ITPA: variants seen among roughly 807,000 people sequenced by gnomAD.
ITPA encodes the protein inosine triphosphatase, also known as inosine triphosphate pyrophosphatase.
Under a neutral mutation model 29.6 loss-of-function variants are expected in ITPA, and 29 were observed. The ratio of observed to expected loss-of-function variants is 0.98; its 90% CI spans 0.73 to 1.34. ITPA has a LOEUF of 1.34. Among genes scored for constraint, ITPA ranks in the 40% most tolerant of loss-of-function variants. The pLI is 0.00. For synonymous variants in ITPA, 103 were observed against 99.3 expected (o/e 1.04, Z -0.22); for missense variants, 241 against 251.5 (o/e 0.96, Z 0.28).
At chr20:3,209,472 C>T (rs553176721), upstream of ITPA, 3 of 1,360,606 alleles carry the variant, frequency 2.2e-6, no homozygotes, top group African/African-American at 2.9e-5. This position sits in a 1 kb window ranked among gnomAD's most constrained non-coding sequence, Gnocchi z 4.6. Flanking sequence ...GAGCCGTTCA[C>T]TTCCGCCACC....
chr20:3,218,079 G>A (rs888577916), intron 5 of ITPA, among the ~76,000 whole-genome samples: 2 of 151,856 alleles, frequency 1.3e-5, no homozygotes, highest in African/African-American at 2.4e-5. Context: ...CACCACGCCC[G>A]GCTAATTTTT....
At chr20:3,225,918 A>C (rs554101444), downstream of ITPA, among the ~76,000 whole-genome samples, 24 of 152,210 alleles carry the variant, frequency 1.6e-4, no homozygotes, top group Admixed American at 2.6e-4. Context: ...AATCCCAGCT[A>C]TTTGGGAGGC....
downstream of ITPA, among the ~76,000 whole-genome samples, chr20:3,227,175 G>A (rs2067564289): frequency 6.6e-6 from 1 of 152,214 alleles, no homozygotes; most frequent in Admixed American, 6.5e-5. Context: ...CGCTCCTCTG[G>A]ACCCTTGCAC....
At chr20:3,224,115 G>A (rs2067533080), downstream of ITPA, among the ~76,000 whole-genome samples, 1 of 152,224 alleles carries the variant, frequency 6.6e-6, no homozygotes, top group African/African-American at 2.4e-5. Flanking sequence ...TGCTGGGTTG[G>A]GGGCTGGGTA....
At chr20:3,207,118 TCTCA>T (rs2067076674), upstream of ITPA, among the ~76,000 whole-genome samples, 1 of 152,102 alleles carries the variant, frequency 6.6e-6, no homozygotes, top group South Asian at 2.1e-4. Flanking sequence ...TGAGACAGGG[TCTCA>T]CTCACATCAC....
intron 3 of ITPA, 34 bp downstream of exon 3, chr20:3,213,417 T>C: frequency 6.2e-7 from 1 of 1,612,838 alleles, no homozygotes; most frequent in Non-Finnish European, 8.5e-7. Flanking sequence ...CACTTGCTCT[T>C]CTTGTCCAGG....
upstream of ITPA, among the ~76,000 whole-genome samples, chr20:3,206,785 C>T (rs190329366): frequency 2.0e-5 from 3 of 150,368 alleles, no homozygotes; most frequent in Admixed American, 6.7e-5. Flanking sequence ...GAGCTGAGAT[C>T]GCGCCACTGC....
In ITPA at chr20:3,218,698, C is replaced by A. The variant is rs112817108; in HGVS notation, c.411+66C>A. On this transcript the variant is annotated intron_variant, in intron 6 of 7. Transcript: ENST00000380113. ...AGGGGGTGCCGCGACCCGAGCCGAC[C>A]GCCCCGAGTCTGCGGGAGGGTGGTG... The A allele has an allele frequency of 1.7e-3, 2,165 of 1,244,718 alleles. 16 individuals are homozygous for A. The Middle Eastern group carries it at 0.018, about 10-fold the overall frequency. The allele number at this position is 1,244,718 out of a possible 1,614,324, so 77.1% of individuals were successfully genotyped here.
At chr20:3,219,997 G>T (rs931796406) in intron 6 of ITPA, among the ~76,000 whole-genome samples, 2 of 138,568 alleles carry the variant, frequency 1.4e-5, no homozygotes, top group Non-Finnish European at 3.0e-5. Flanking sequence ...AGCTATGATC[G>T]CACTCCTGCA....
chr20:3,222,009 G>T, intron 7 of ITPA, 92 bp downstream of exon 7: 1 of 1,233,928 alleles, frequency 8.1e-7, no homozygotes, highest in Non-Finnish European at 1.2e-6. Flanking sequence ...CAGGCATGCG[G>T]ATATGGGCAG....
At chr20:3,215,403 C>A in intron 5 of ITPA, 91 bp downstream of exon 5, 2 of 1,208,902 alleles carry the variant, frequency 1.7e-6, no homozygotes, top group South Asian at 1.2e-5. Flanking sequence ...AATCAGGAGT[C>A]CCAGGTTCTA....
chr20:3,211,681 T>TG (rs2067177883), intron 1 of ITPA, among the ~76,000 whole-genome samples: 2 of 152,152 alleles, frequency 1.3e-5, no homozygotes, highest in East Asian at 1.9e-4. Flanking sequence ...TTAGTGGAGA[T>TG]GGGGTTTCTC....
intron 6 of ITPA, among the ~76,000 whole-genome samples, chr20:3,219,412 C>T (rs867447205): frequency 9.2e-5 from 14 of 151,960 alleles, no homozygotes; most frequent in African/African-American, 3.4e-4. Flanking sequence ...TGTTCAAGAT[C>T]AGCCTGGACA....
In ITPA at chr20:3,218,585, AC is replaced by A. The variant is rs1230345490; in HGVS notation, c.366del (p.Asp124ThrfsTer100). On this transcript the variant is annotated frameshift_variant, in exon 6 of 8. Transcript: ENST00000380113. LOFTEE classifies it high-confidence loss of function. Reference protein sequence around the residue: ...AYALCTFALSTGDPSQPVRLF... With the variant: ...AYALCTFALSXGDPSQPVRLF... ...TGCGCTCTGCACGTTTGCACTCAGC[AC>A]CGGGGACCCAAGCCAGCCCGTGCGC... is the stretch of plus-strand genomic sequence containing the variant. The A allele has an allele frequency of 6.2e-7, 1 of 1,613,882 alleles. No homozygotes were observed. The highest frequency in any genetic ancestry group is 2.2e-5 in the East Asian group (1 of 44,868).
At chr20:3,221,237 C>G (rs2067455586) in intron 6 of ITPA, among the ~76,000 whole-genome samples, 1 of 147,846 alleles carries the variant, frequency 6.8e-6, no homozygotes, top group African/African-American at 2.5e-5. Context: ...ACTTTGATAA[C>G]AACATGACAT....
chr20:3,221,648 G>A (rs1451665855), intron 6 of ITPA, 193 bp from the exon 7 acceptor site: 1 of 661,164 alleles, frequency 1.5e-6, no homozygotes. Context: ...GTGTGTGAGG[G>A]AAGAGCTGCC....
At position 3,218,583 on chromosome 20, in the gene ITPA, G is replaced by A. The variant is rs1279423399; in HGVS notation, c.362G>A (p.Ser121Asn). The A allele has an allele frequency of 6.2e-7, 1 of 1,613,906 alleles. No homozygotes were observed. The change falls in exon 6 of 8, where the codon AGC (serine) becomes AAC (asparagine). Residue 121 changes from serine (S) to asparagine (N), a missense_variant. Ser to Asn is a conservative substitution (Grantham distance 46). Transcript: ENST00000380113. ...TATGCGCTCTGCACGTTTGCACTCAGCACCGGGGACCCAAGCCAGCCCGTG... is the reference window on the plus strand; with the variant it reads ...TATGCGCTCTGCACGTTTGCACTCAACACCGGGGACCCAAGCCAGCCCGTG... ...SAYALCTFAL[S>N]TGDPSQPVRL...
chr20:3,204,391 C>G, upstream of ITPA: 5 of 783,404 alleles, frequency 6.4e-6, no homozygotes, highest in Non-Finnish European at 1.0e-5. Flanking sequence ...GCGGAAGCCC[C>G]ACCCGGCACA....
In ITPA at chr20:3,218,592, A is replaced by T. The variant is rs1276150567; in HGVS notation, c.371A>T (p.Asp124Val). Residue 124 changes from aspartate (D) to valine (V), a missense_variant, in exon 6 of 8, where the codon GAC (aspartate) becomes GTC (valine). Physicochemically the swap from Asp to Val is radical, Grantham distance 152. Transcript: ENST00000380113. ...ALCTFALSTGDPSQPVRLFRG... is the reference protein window; with the variant it reads ...ALCTFALSTGVPSQPVRLFRG... ...TGCACGTTTGCACTCAGCACCGGGG[A>T]CCCAAGCCAGCCCGTGCGCCTGTTC... The T allele has an allele frequency of 1.2e-6, 2 of 1,613,564 alleles. No homozygotes were observed. The highest frequency in any genetic ancestry group is 3.3e-5 in the Admixed American group (2 of 59,984).
Sources: gnomAD v4.1 joint callset for allele counts (sites outside exome capture counted in the v4.1 genomes callset) on GRCh38, gnomAD v4.1.1 for gene constraint, Gnocchi (gnomAD v3.1) non-coding constraint, MANE v1.5 for transcripts, NCBI Gene and HGNC (gene_info 2026-07-23, HGNC 2026-07-21) for gene names.